The following CRY1 variants were observed in gnomAD, a reference collection of about 807,000 sequenced individuals.
The protein encoded by CRY1 is cryptochrome circadian regulator 1, also known as cryptochrome-1.
In CRY1, 45 loss-of-function variants were observed where a neutral mutation model predicts 76.0. The ratio of observed to expected loss-of-function variants is 0.59; its 90% CI spans 0.47 to 0.76. CRY1 has a LOEUF of 0.76. Among genes scored for constraint, CRY1 ranks in the 30% least tolerant of loss-of-function variants. The pLI is 0.00. For missense variants in CRY1, 587 were observed against 716.4 expected (o/e 0.82, Z 2.06); for synonymous variants, 248 against 244.0 (o/e 1.02, Z -0.15).
intron 2 of CRY1, among the ~76,000 whole-genome samples, chr12:107,019,702 A>G (rs547780322): frequency 1.3e-4 from 20 of 152,282 alleles, no homozygotes; most frequent in African/African-American, 4.8e-4. Context: ...AGGTTGAAGG[A>G]GGATTGCCTG....
intron 3 of CRY1, among the ~76,000 whole-genome samples, chr12:107,004,381 T>TA (rs36023407): frequency 6.6e-6 from 1 of 152,122 alleles, no homozygotes; most frequent in East Asian, 1.9e-4. Flanking sequence ...CATAAATTAC[T>TA]AAAAAAGTAA....
chr12:107,053,745 A>G (rs1405885320), intron 1 of CRY1, among the ~76,000 whole-genome samples: 2 of 152,250 alleles, frequency 1.3e-5, no homozygotes, highest in Non-Finnish European at 2.9e-5. Context: ...TGTAAATCCA[A>G]GAGAAGTAAA....
chr12:107,052,686 G>A (rs77529505), intron 1 of CRY1, among the ~76,000 whole-genome samples: 15 of 152,322 alleles, frequency 9.8e-5, no homozygotes, highest in African/African-American at 3.6e-4. Context: ...AGAGCAAGCA[G>A]TGCTGGTAAG....
At chr12:107,042,482 T>C (rs747942779) in intron 1 of CRY1, among the ~76,000 whole-genome samples, 4 of 152,104 alleles carry the variant, frequency 2.6e-5, no homozygotes, top group Non-Finnish European at 5.9e-5. Context: ...AAAAGGCACA[T>C]CACTTCTGTG....
At chr12:107,078,908 A>C (rs1953289869) in intron 1 of CRY1, among the ~76,000 whole-genome samples, 1 of 152,050 alleles carries the variant, frequency 6.6e-6, no homozygotes, top group South Asian at 2.1e-4. Flanking sequence ...GCTTCCTCTT[A>C]TATCTTCCCC....
intron 1 of CRY1, among the ~76,000 whole-genome samples, chr12:107,037,901 G>T (rs570047194): frequency 1.3e-5 from 2 of 152,126 alleles, no homozygotes; most frequent in East Asian, 1.9e-4. Flanking sequence ...TAGCTATGGG[G>T]TCTCACTATG....
chr12:107,020,528 T>G (rs1010256297), intron 2 of CRY1, among the ~76,000 whole-genome samples: 2 of 151,108 alleles, frequency 1.3e-5, no homozygotes, highest in African/African-American at 4.9e-5. Flanking sequence ...AAGATCTGTT[T>G]TTTTTTTTGT....
intron 2 of CRY1, among the ~76,000 whole-genome samples, chr12:107,009,590 ATATATATATATAAAATC>A (rs1952419763): frequency 1.3e-5 from 1 of 76,212 alleles, no homozygotes; most frequent in African/African-American, 1.0e-4. Context: ...ATATATATAT[ATATATATATATAAAATC>A]TCTATATCTC....
intron 1 of CRY1, among the ~76,000 whole-genome samples, chr12:107,023,012 A>G (rs1246424896): frequency 2.0e-5 from 3 of 152,214 alleles, no homozygotes; most frequent in Non-Finnish European, 4.4e-5. Flanking sequence ...GAAATGGAAC[A>G]TTCCCAAGAA....
intron 1 of CRY1, among the ~76,000 whole-genome samples, chr12:107,047,745 C>T (rs1456568779): frequency 6.6e-6 from 1 of 152,154 alleles, no homozygotes; most frequent in Admixed American, 6.5e-5. Flanking sequence ...ATAAATTACC[C>T]AGTCTCAGGT....
At chr12:107,022,247 T>C (rs1952567617) in intron 1 of CRY1, 55 bp from the exon 2 acceptor site, 4 of 1,067,272 alleles carry the variant, frequency 3.7e-6, no homozygotes, top group Non-Finnish European at 4.0e-6. Flanking sequence ...TTAGAAGACA[T>C]AAATTATTAC....
intron 1 of CRY1, among the ~76,000 whole-genome samples, chr12:107,026,111 AATAT>A (rs372518498): frequency 6.3e-5 from 3 of 47,280 alleles, no homozygotes; most frequent in African/African-American, 2.1e-4. Flanking sequence ...ATATATATAA[AATAT>A]ATATATTATA....
intron 1 of CRY1, among the ~76,000 whole-genome samples, chr12:107,041,680 T>A (rs1374515999): frequency 2.0e-5 from 3 of 152,026 alleles, no homozygotes; most frequent in Non-Finnish European, 4.4e-5. Flanking sequence ...ATGTTCAACA[T>A]GTTTACAAAA....
At chr12:107,038,992 T>C (rs553326400) in intron 1 of CRY1, among the ~76,000 whole-genome samples, 1 of 152,110 alleles carries the variant, frequency 6.6e-6, no homozygotes, top group Admixed American at 6.6e-5. Context: ...GGCGTGGTGG[T>C]GCATGCCTGT....
intron 1 of CRY1, among the ~76,000 whole-genome samples, chr12:107,086,093 T>C (rs1404499109): frequency 6.6e-6 from 1 of 152,206 alleles, no homozygotes; most frequent in Non-Finnish European, 1.5e-5. Flanking sequence ...ATTGTATCCA[T>C]GCCTAGGACT....
chr12:106,999,922 G>A lies in CRY1; in HGVS notation c.825+20C>T. 6.3e-7 allele frequency: 1 copy of A among 1,592,034 alleles called. No homozygotes were observed. Among genetic ancestry groups the A allele is most frequent in the Non-Finnish European group, 8.5e-7 (1 of 1,174,244 alleles). ...TTTTTTTTAAAGTATTAAACAATAA[G>A]CTCTAATTTTAGAGAATACCTTTTT... On this transcript the variant is annotated intron_variant, in intron 6 of 12. Transcript: ENST00000008527.
At chr12:107,009,384 C>T (rs527990576) in intron 2 of CRY1, among the ~76,000 whole-genome samples, 31 of 151,374 alleles carry the variant, frequency 2.0e-4, no homozygotes, top group African/African-American at 7.0e-4. Flanking sequence ...AATAAAGATA[C>T]AACAATTAGC....
chr12:107,009,859 T>C (rs1443443983), intron 2 of CRY1, among the ~76,000 whole-genome samples: 2 of 151,984 alleles, frequency 1.3e-5, no homozygotes, highest in Non-Finnish European at 2.9e-5. Context: ...TTCTCAAACT[T>C]TCCTTGTCAG....
rs763726526 is a variant in CRY1, at chr12:106,999,696, G to A, written c.992C>T (p.Ala331Val). 6 of 1,614,212 alleles carry A rather than the reference G, an allele frequency of 3.7e-6. No homozygotes were observed. Among genetic ancestry groups the A allele is most frequent in the Admixed American group, 1.7e-5 (1 of 60,030 alleles). ...CCATGGAAAGCCTGTCCGGCCTTCC[G>A]CCCATTTGGCTAAAGCCTCAGGATT... ...DKNPEALAKWAEGRTGFPWID... is the reference protein window; with the variant it reads ...DKNPEALAKWVEGRTGFPWID... The change falls in exon 7 of 13, where the codon GCG becomes GTG. Residue 331 changes from alanine (A) to valine (V), a missense_variant. Ala to Val is a moderately conservative substitution (Grantham distance 64). Coordinates refer to ENST00000008527, the MANE Select transcript of CRY1 (RefSeq NM_004075.5).
Sources: allele counts gnomAD v4.1 joint callset (sites outside exome capture counted in the v4.1 genomes callset), GRCh38; gene constraint gnomAD v4.1.1; transcripts MANE v1.5; gene names NCBI Gene and HGNC (gene_info 2026-07-23, HGNC 2026-07-21).